PACS1: variants seen among roughly 807,000 people sequenced by gnomAD.
PACS1 encodes phosphofurin acidic cluster sorting protein 1, also known as PACS-1.
A neutral mutation model predicts 115.0 loss-of-function variants in PACS1; 24 were observed. The observed-to-expected ratio is 0.21, with a 90% CI of 0.15 to 0.29. The LOEUF is 0.29. PACS1 is among the 10% of genes least tolerant of loss of function. PACS1 has a pLI of 1.00. For missense variants in PACS1, 838 were observed against 1,251.2 expected (o/e 0.67, Z 4.98); for synonymous variants, 453 against 504.5 (o/e 0.90, Z 1.37).
chr11:66,096,223 T>G (rs1857778297), intron 1 of PACS1, among the ~76,000 whole-genome samples: 1 of 47,920 alleles, frequency 2.1e-5, no homozygotes, highest in Non-Finnish European at 8.0e-5. Flanking sequence ...TTTTTTTTTT[T>G]TTTTTTTTTT....
At chr11:66,176,691 T>G (rs1151532) in intron 1 of PACS1, among the ~76,000 whole-genome samples, 150,100 of 152,222 alleles carry the variant, frequency 0.99, 74,030 homozygotes, top group Middle Eastern at 1. Context: ...TGGGATTACA[T>G]GCGTGAACCA....
At chr11:66,129,445 G>A (rs1329068618) in intron 1 of PACS1, among the ~76,000 whole-genome samples, 10 of 138,928 alleles carry the variant, frequency 7.2e-5, no homozygotes, top group Middle Eastern at 3.6e-3. Flanking sequence ...AAAAAAAAAG[G>A]GTTTAAAAAA....
chr11:66,180,351 CTTTTT>C (rs146651808), intron 1 of PACS1, among the ~76,000 whole-genome samples: 1 of 146,080 alleles, frequency 6.8e-6, no homozygotes, highest in African/African-American at 2.5e-5. Context: ...TTTCTTTCAG[CTTTTT>C]TTTTTGTGTG....
intron 1 of PACS1, among the ~76,000 whole-genome samples, chr11:66,097,265 A>T (rs1480056668): frequency 6.6e-6 from 1 of 152,054 alleles, no homozygotes; most frequent in African/African-American, 2.4e-5. Context: ...AGGTGACAGG[A>T]TGTGTATGGT....
chr11:66,084,746 AT>A (rs772887053), intron 1 of PACS1, among the ~76,000 whole-genome samples: 24 of 152,322 alleles, frequency 1.6e-4, no homozygotes, highest in Admixed American at 2.6e-4. Flanking sequence ...TTCTTTAAAA[AT>A]AATTATTGTC....
At chr11:66,203,580 A>T (rs1266483766) in intron 2 of PACS1, among the ~76,000 whole-genome samples, 1 of 152,230 alleles carries the variant, frequency 6.6e-6, no homozygotes. Context: ...AATTAGAGAA[A>T]TCACATTATC....
intron 1 of PACS1, among the ~76,000 whole-genome samples, chr11:66,124,785 A>G (rs1197917612): frequency 1.3e-5 from 2 of 152,230 alleles, no homozygotes; most frequent in African/African-American, 4.8e-5. Flanking sequence ...AAACACACAG[A>G]TGTTTATCAT....
chr11:66,147,029 C>A (rs1004637370), intron 1 of PACS1, among the ~76,000 whole-genome samples: 2 of 152,156 alleles, frequency 1.3e-5, no homozygotes, highest in Non-Finnish European at 2.9e-5. Context: ...CCACTGCACT[C>A]CAGCTTGGGC....
At chr11:66,164,950 G>A (rs1321630170) in intron 1 of PACS1, among the ~76,000 whole-genome samples, 1 of 152,050 alleles carries the variant, frequency 6.6e-6, no homozygotes, top group African/African-American at 2.4e-5. Context: ...AAATTGAGTT[G>A]GTGGCCTTAC....
intron 1 of PACS1, among the ~76,000 whole-genome samples, chr11:66,086,991 A>C (rs550780556): frequency 6.6e-6 from 1 of 152,266 alleles, no homozygotes; most frequent in African/African-American, 2.4e-5. Flanking sequence ...TTGGAATGTC[A>C]TGTACACTCA....
At chr11:66,105,436 C>T (rs1271565855) in intron 1 of PACS1, among the ~76,000 whole-genome samples, 5 of 152,060 alleles carry the variant, frequency 3.3e-5, no homozygotes, top group Admixed American at 6.6e-5. Flanking sequence ...AACAAACAAA[C>T]AAACTGGTAA....
intron 2 of PACS1, among the ~76,000 whole-genome samples, chr11:66,206,466 C>T (rs541250096): frequency 6.6e-6 from 1 of 152,172 alleles, no homozygotes; most frequent in Non-Finnish European, 1.5e-5. Context: ...CTGGGCTGGG[C>T]CTGGCTGCGA....
rs552550004 is a variant in PACS1, at chr11:66,171,640, C to T, written c.357-21846C>T. On this transcript the variant is annotated intron_variant, in intron 1 of 23. Coordinates refer to ENST00000320580, the MANE Select transcript of PACS1 (RefSeq NM_018026.4). ...TGTCGCCCAGGCTGGAGTGCAGTGG[C>T]GCAATCTCGGCTCACTGCAAGCTCC... Among the ~76,000 whole-genome samples, 14 of 149,754 alleles carry T rather than the reference C, an allele frequency of 9.3e-5. 1 individual carries two copies. Among genetic ancestry groups the T allele is most frequent in the South Asian group, 6.2e-4 (3 of 4,808 alleles).
intron 4 of PACS1, 63 bp downstream of exon 4, chr11:66,211,322 G>A (rs1203616): frequency 3.8e-6 from 6 of 1,563,740 alleles, no homozygotes; most frequent in Non-Finnish European, 4.4e-6. Context: ...GGACACCCCA[G>A]CCCAGCCAGT....
intron 2 of PACS1, among the ~76,000 whole-genome samples, chr11:66,202,388 AAAGT>A (rs1854820986): frequency 6.6e-6 from 1 of 152,154 alleles, no homozygotes; most frequent in Non-Finnish European, 1.5e-5. Flanking sequence ...AAAACCAAAG[AAAGT>A]GACAGGGCAG....
chr11:66,099,697 C>T (rs1160562898), intron 1 of PACS1, among the ~76,000 whole-genome samples: 3 of 151,834 alleles, frequency 2.0e-5, no homozygotes, highest in Non-Finnish European at 2.9e-5. Flanking sequence ...AGACATGTGC[C>T]ACCATACCCA....
chr11:66,241,740 GA>G, intron 22 of PACS1, 87 bp downstream of exon 22: 1 of 1,098,102 alleles, frequency 9.1e-7, no homozygotes, highest in Non-Finnish European at 1.3e-6. Flanking sequence ...CTGCTTTTGG[GA>G]TATTTGGGAT....
At chr11:66,167,510 C>CT (rs1219172894) in intron 1 of PACS1, among the ~76,000 whole-genome samples, 1 of 149,490 alleles carries the variant, frequency 6.7e-6, no homozygotes, top group Non-Finnish European at 1.5e-5. Flanking sequence ...TTGGCTTGTC[C>CT]TTTGAGTCTC....
intron 13 of PACS1, among the ~76,000 whole-genome samples, chr11:66,231,264 T>A (rs536284606): frequency 6.6e-6 from 1 of 152,238 alleles, no homozygotes; most frequent in Non-Finnish European, 1.5e-5. Context: ...GTCTGGAGAT[T>A]GTGCCGTGAA....
Sources: allele counts gnomAD v4.1 joint callset (sites outside exome capture counted in the v4.1 genomes callset), GRCh38; gene constraint gnomAD v4.1.1; transcripts MANE v1.5; gene names NCBI Gene and HGNC (gene_info 2026-07-23, HGNC 2026-07-21).